CELF2: variants seen among roughly 807,000 people sequenced by gnomAD.
The protein encoded by CELF2 is CUGBP Elav-like family member 2.
A neutral mutation model predicts 62.6 loss-of-function variants in CELF2; 8 were observed. The ratio of observed to expected loss-of-function variants is 0.13; its 90% CI spans 0.07 to 0.23. The LOEUF is 0.23. Ranked by LOEUF, CELF2 falls within the 10% of genes least tolerant of loss-of-function variation. CELF2 has a pLI of 1.00. For synonymous variants in CELF2, 258 were observed against 250.0 expected, an observed-to-expected ratio of 1.03 and a Z score of -0.30; for missense variants, 333 against 671.0, an observed-to-expected ratio of 0.50 and a Z score of 5.56.
chr10:10,536,219 C>T, the CELF2 span, among the ~76,000 whole-genome samples: 2 of 152,038 alleles, frequency 1.3e-5, no homozygotes, highest in African/African-American at 4.8e-5. Context: ...GGGGTTTCAT[C>T]ATGTTGGTCA....
chr10:10,768,573 TTTTC>T, the CELF2 span, among the ~76,000 whole-genome samples: 1 of 148,732 alleles, frequency 6.7e-6, no homozygotes, highest in Non-Finnish European at 1.5e-5. Context: ...TTCTTTTTCT[TTTTC>T]TTTTTTTTTT....
chr10:11,326,105 C>A, intron 12 of CELF2, 126 bp downstream of exon 12: 1 of 985,354 alleles, frequency 1.0e-6, no homozygotes, highest in Non-Finnish European at 1.5e-6. Context: ...CTCTGATTTT[C>A]TGGATCCTTG....
chr10:10,643,906 G>A, the CELF2 span, among the ~76,000 whole-genome samples: 8 of 152,230 alleles, frequency 5.3e-5, no homozygotes, highest in Admixed American at 3.3e-4. Flanking sequence ...GTTATAAATC[G>A]TAACCCATTA....
the CELF2 span, among the ~76,000 whole-genome samples, chr10:10,475,476 C>A: frequency 4.2e-5 from 6 of 143,606 alleles, no homozygotes; most frequent in Non-Finnish European, 3.1e-5. Flanking sequence ...CTTGGCCACT[C>A]AAAAAAAAAA....
chr10:11,136,876 A>T (rs868384746), intron 1 of CELF2, among the ~76,000 whole-genome samples: 1 of 152,228 alleles, frequency 6.6e-6, no homozygotes, highest in Non-Finnish European at 1.5e-5. Flanking sequence ...GAATTTTTGA[A>T]ACACAGGCCA....
chr10:10,474,094 A>G, the CELF2 span, among the ~76,000 whole-genome samples: 63 of 152,210 alleles, frequency 4.1e-4, no homozygotes, highest in African/African-American at 1.3e-3. Flanking sequence ...TGAGGAAAGA[A>G]GTCCTTGGAT....
At chr10:10,804,636 G>A (rs1243604682) in intron 1 of CELF2, among the ~76,000 whole-genome samples, 5 of 152,194 alleles carry the variant, frequency 3.3e-5, no homozygotes, top group Non-Finnish European at 7.3e-5. Context: ...ATGTTTGAAT[G>A]AGCCTTAAAG....
chr10:10,748,213 TA>T, the CELF2 span, among the ~76,000 whole-genome samples: 9 of 150,230 alleles, frequency 6.0e-5, no homozygotes, highest in Admixed American at 1.3e-4. Context: ...TCAAAATAGC[TA>T]AAAAAAAAGA....
chr10:10,964,514 G>A (rs1335270028), intron 2 of CELF2, among the ~76,000 whole-genome samples: 3 of 152,096 alleles, frequency 2.0e-5, no homozygotes, highest in Non-Finnish European at 4.4e-5. Context: ...TCACTTTAAG[G>A]TCAGGCCTAT....
the CELF2 span, among the ~76,000 whole-genome samples, chr10:10,476,856 A>C: frequency 1.3e-5 from 2 of 152,190 alleles, no homozygotes; most frequent in East Asian, 3.9e-4. Flanking sequence ...TCTGGCCTTT[A>C]ATGTTTAGCT....
At chr10:10,688,857 A>T in the CELF2 span, among the ~76,000 whole-genome samples, 1 of 151,988 alleles carries the variant, frequency 6.6e-6, no homozygotes, top group South Asian at 2.1e-4. Context: ...TTAATTAATT[A>T]GTTGGGTGTG....
chr10:11,331,496 G>GCCAAATT lies in CELF2; in HGVS notation c.*2449_*2455dup, dbSNP rs2096019945. 1 of 151,870 alleles carries GCCAAATT rather than the reference G, an allele frequency of 6.6e-6. No individual in the cohort carries two copies. Among genetic ancestry groups the GCCAAATT allele is most frequent in the Non-Finnish European group, 1.5e-5 (1 of 67,908 alleles). 9.4% of individuals were successfully genotyped at this position (151,870 alleles called of 1,614,324 possible). On this transcript the variant is annotated 3_prime_UTR_variant, in exon 13 of 13. Coordinates refer to ENST00000633077, the MANE Select transcript of CELF2 (RefSeq NM_001326342.2). Reference sequence around the variant, plus strand: ...AAGAAAAAAAGTGAAAATATATAGTGCCAAATTCCAAAGGTACTTCCTTCC... The same window carrying GCCAAATT: ...AAGAAAAAAAGTGAAAATATATAGTGCCAAATTCCAAATTCCAAAGGTACTTCCTTCC...
intron 2 of CELF2, among the ~76,000 whole-genome samples, chr10:10,926,095 T>C (rs1474093803): frequency 6.6e-6 from 1 of 152,174 alleles, no homozygotes; most frequent in Non-Finnish European, 1.5e-5. Flanking sequence ...AGGCTAAAAA[T>C]GCAGGTTGAG....
the CELF2 span, among the ~76,000 whole-genome samples, chr10:10,759,931 G>GT: frequency 6.6e-6 from 1 of 152,170 alleles, no homozygotes; most frequent in African/African-American, 2.4e-5. Flanking sequence ...TTGAGATGGA[G>GT]TTTCGCTCTT....
At position 11,239,175 on chromosome 10, in the gene CELF2, A is replaced by G. The variant is rs114123725; in HGVS notation, c.355-9978A>G. Among the ~76,000 whole-genome samples the G allele has an allele frequency of 8.6e-3, 1,314 of 152,258 alleles. 18 individuals are homozygous for G. The highest frequency in any genetic ancestry group is 0.03 in the African/African-American group (1,262 of 41,534). The stretch of plus-strand genomic sequence containing the variant: ...CCCAGAGTAATCTAGTTTTCCTGCA[A>G]TATTTTATTTTATTTTATTTTTTGC... On this transcript the variant is annotated intron_variant, in intron 3 of 12. Transcript: ENST00000633077.
the CELF2 span, among the ~76,000 whole-genome samples, chr10:10,791,845 T>C: frequency 6.6e-6 from 1 of 152,182 alleles, no homozygotes; most frequent in Non-Finnish European, 1.5e-5. Context: ...TTTAATCCAA[T>C]ATTTTTCTTA....
chr10:11,213,876 T>C (rs892731457), intron 2 of CELF2, among the ~76,000 whole-genome samples: 4 of 152,242 alleles, frequency 2.6e-5, no homozygotes, highest in African/African-American at 9.6e-5. Context: ...TTTAGTCTAA[T>C]AGAAGTAAAG....
At chr10:10,893,021 T>A (rs1328933867) in intron 1 of CELF2, among the ~76,000 whole-genome samples, 1 of 152,240 alleles carries the variant, frequency 6.6e-6, no homozygotes, top group Non-Finnish European at 1.5e-5. Flanking sequence ...TCTTATTGCA[T>A]CCTTCTTAAC....
chr10:11,312,480 C>T (rs1166629938), intron 9 of CELF2, among the ~76,000 whole-genome samples: 1 of 152,180 alleles, frequency 6.6e-6, no homozygotes, highest in Non-Finnish European at 1.5e-5. Context: ...GGCTCTTCTG[C>T]CTTAAAGTAT....
Sources: gnomAD v4.1 joint callset for allele counts (sites outside exome capture counted in the v4.1 genomes callset) on GRCh38, gnomAD v4.1.1 for gene constraint, MANE v1.5 for transcripts, NCBI Gene and HGNC (gene_info 2026-07-23, HGNC 2026-07-21) for gene names.